EMX1: variants seen among roughly 807,000 people sequenced by gnomAD.
The protein encoded by EMX1 is empty spiracles homeobox 1.
In EMX1, 10 loss-of-function variants were observed where a neutral mutation model predicts 20.1. That is an observed-to-expected ratio of 0.50 (90% CI 0.31 to 0.84). The LOEUF is 0.84. EMX1 is among the 40% of genes least tolerant of loss of function. The pLI is 0.05. For missense variants in EMX1, 424 were observed against 431.9 expected, an observed-to-expected ratio of 0.98 and a Z score of 0.16; for synonymous variants, 250 against 200.4, an observed-to-expected ratio of 1.25 and a Z score of -2.09.
At chr2:72,920,196 A>G (rs1317374698) in intron 1 of EMX1, among the ~76,000 whole-genome samples, 1 of 152,122 alleles carries the variant, frequency 6.6e-6, no homozygotes, top group Non-Finnish European at 1.5e-5. Context: ...GGGCGCCTGG[A>G]GAGAAATCCA....
chr2:72,919,183 A>ACACACACG (rs1671056382), intron 1 of EMX1, among the ~76,000 whole-genome samples: 1 of 128,128 alleles, frequency 7.8e-6, no homozygotes, highest in African/African-American at 3.0e-5. Context: ...CTGGCCCTAC[A>ACACACACG]CACACACACA....
intron 1 of EMX1, among the ~76,000 whole-genome samples, chr2:72,923,179 C>A (rs1671131717): frequency 6.6e-6 from 1 of 152,128 alleles, no homozygotes; most frequent in Non-Finnish European, 1.5e-5. Context: ...TTCATCCAGT[C>A]CAGTGTTATC....
At chr2:72,928,331 T>C (rs1369300117) in intron 2 of EMX1, among the ~76,000 whole-genome samples, 1 of 152,200 alleles carries the variant, frequency 6.6e-6, no homozygotes, top group African/African-American at 2.4e-5. Context: ...TCAAGTTTAA[T>C]GAGTATGTGT....
chr2:72,929,212 G>A (rs1006115967), intron 2 of EMX1, among the ~76,000 whole-genome samples: 7 of 152,198 alleles, frequency 4.6e-5, no homozygotes, highest in South Asian at 2.1e-4. Flanking sequence ...TGCATCTCAT[G>A]TTCCAGGAGT....
At chr2:72,925,181 C>G (rs981379338) in intron 2 of EMX1, among the ~76,000 whole-genome samples, 1 of 152,156 alleles carries the variant, frequency 6.6e-6, no homozygotes, top group African/African-American at 2.4e-5. Flanking sequence ...AAATAGACCC[C>G]GGGTACTCAG....
At position 72,917,921 on chromosome 2, in the gene EMX1, G is replaced by A. The variant is rs563675886; in HGVS notation, c.69G>A (p.Arg23=). The part of the protein sequence containing the change: ...APGRGALPRA[R]LPRTAPAAAT... ...GACGCGGAGCGCTCCCCAGAGCCCG[G>A]CTGCCTCGCACAGCTCCCGCGGCTG... is the stretch of plus-strand genomic sequence containing the variant. The change falls in exon 1 of 3, where the codon CGG becomes CGA. Residue 23 remains arginine, a synonymous_variant. Transcript: ENST00000258106. The A allele has an allele frequency of 7.4e-6, 11 of 1,484,356 alleles. No individual in the cohort carries two copies. In the East Asian group the frequency reaches 2.7e-4, roughly 36 times the overall value. 91.9% of individuals were successfully genotyped at this position (1,484,356 alleles called of 1,614,324 possible).
rs745938584 is a variant in EMX1, at chr2:72,918,329, C to T, written c.477C>T (p.Tyr159=). 884 of 1,545,700 alleles carry T rather than the reference C, an allele frequency of 5.7e-4. 2 individuals are homozygous for T. Among genetic ancestry groups the T allele is most frequent in the Middle Eastern group, 8.5e-4 (5 of 5,900 alleles). Residue 159 remains tyrosine (Y), a synonymous_variant, in exon 1 of 3, where the codon TAC becomes TAT. Transcript: ENST00000258106. The part of the protein sequence containing the change: ...GAQHRDPLHF[Y]PWVLRNRFFG... ...AGCACCGGGACCCTCTCCATTTCTACCCCTGGGTCCTGCGGAACCGCTTCT... is the reference window on the plus strand; with the variant it reads ...AGCACCGGGACCCTCTCCATTTCTATCCCTGGGTCCTGCGGAACCGCTTCT...
intron 1 of EMX1, chr2:72,924,032 C>G (rs929106646): frequency 1.8e-5 from 10 of 567,826 alleles, no homozygotes; most frequent in Non-Finnish European, 3.2e-5. Context: ...CCTGCCCCAT[C>G]TCTTGGCTTA....
chr2:72,921,550 A>C (rs534242440), intron 1 of EMX1, among the ~76,000 whole-genome samples: 1 of 152,218 alleles, frequency 6.6e-6, no homozygotes, highest in East Asian at 1.9e-4. Context: ...GTAGCAATTG[A>C]TCTGTTTCTC....
At chr2:72,918,449 G>A (rs1671037386) in intron 1 of EMX1, 77 bp downstream of exon 1, 1 of 1,345,366 alleles carries the variant, frequency 7.4e-7, no homozygotes, top group Non-Finnish European at 9.5e-7. Context: ...GCTCGGGGGC[G>A]CGCGGGGCTG....
chr2:72,928,190 TC>T (rs1671234125), intron 2 of EMX1, among the ~76,000 whole-genome samples: 2 of 152,228 alleles, frequency 1.3e-5, no homozygotes. Flanking sequence ...GGGCTAGTTC[TC>T]CCTTCAGGTT....
chr2:72,921,538 A>T (rs1274256516), intron 1 of EMX1, among the ~76,000 whole-genome samples: 1 of 152,188 alleles, frequency 6.6e-6, no homozygotes, highest in African/African-American at 2.4e-5. Flanking sequence ...TTGCAGAAAC[A>T]TGTAGCAATT....
In EMX1 at chr2:72,924,498, T is replaced by TC; in HGVS notation, c.705+6dup. 6.4e-7 allele frequency: 1 copy of TC among 1,574,282 alleles called. No individual in the cohort carries two copies. The highest frequency in any genetic ancestry group is 8.6e-7 in the Non-Finnish European group (1 of 1,164,984). Reference sequence around the variant, plus strand: ...CTCAGCCTCTCCGAGACGCAGGTAATCACCCCCGGTCGCGGCCTGCCCTGC... The same window carrying TC: ...CTCAGCCTCTCCGAGACGCAGGTAATCCACCCCCGGTCGCGGCCTGCCCTGC... On this transcript the variant is annotated splice_donor_region_variant and intron_variant, in intron 2 of 2. Coordinates refer to ENST00000258106, the MANE Select transcript of EMX1 (RefSeq NM_004097.3).
intron 2 of EMX1, among the ~76,000 whole-genome samples, chr2:72,929,634 G>A (rs1045693281): frequency 6.6e-6 from 1 of 152,208 alleles, no homozygotes; most frequent in Non-Finnish European, 1.5e-5. Flanking sequence ...AAGTGTGCAG[G>A]GGCCTGGAGC....
chr2:72,923,904 G>A (rs547608497), intron 1 of EMX1: 16 of 286,576 alleles, frequency 5.6e-5, no homozygotes, highest in African/African-American at 2.4e-4. Context: ...TGGGGCTGGC[G>A]GCCAGGGCAG....
chr2:72,924,103 G>T (rs1282512338), intron 1 of EMX1: 2 of 644,926 alleles, frequency 3.1e-6, no homozygotes, highest in Non-Finnish European at 5.6e-6. Context: ...TCTCGAGTGC[G>T]GGGAGGTGTT....
chr2:72,917,986 T>C lies in EMX1; in HGVS notation c.134T>C (p.Ile45Thr). Residue 45 changes from isoleucine (I) to threonine (T), a missense_variant, in exon 1 of 3, where the codon ATA becomes ACA. Ile to Thr is a moderately conservative substitution (Grantham distance 89, BLOSUM62 -1). Coordinates refer to ENST00000258106, the MANE Select transcript of EMX1 (RefSeq NM_004097.3). The part of the protein sequence containing the change: ...FQPAAKRGFT[I>T]ESLVAKDGGT... ...CCCGCGGCCAAGCGCGGCTTTACCA[T>C]AGAGTCCTTGGTGGCCAAGGACGGC... is the stretch of plus-strand genomic sequence containing the variant. 2 of 1,483,812 alleles carry C rather than the reference T, an allele frequency of 1.3e-6. No individual in the cohort carries two copies. The highest frequency in any genetic ancestry group is 1.8e-6 in the Non-Finnish European group (2 of 1,124,812). 91.9% of individuals were successfully genotyped at this position (1,483,812 alleles called of 1,614,324 possible). A position where few individuals can be genotyped will look rare whatever the true frequency, so the allele number is the denominator to read the frequency against.
intron 2 of EMX1, among the ~76,000 whole-genome samples, chr2:72,925,215 G>C (rs1468115994): frequency 6.6e-6 from 1 of 152,252 alleles, no homozygotes; most frequent in Non-Finnish European, 1.5e-5. Flanking sequence ...TCACTGGAAA[G>C]GCTGTCGAAT....
intron 1 of EMX1, among the ~76,000 whole-genome samples, chr2:72,922,045 C>G (rs1460334851): frequency 2.6e-5 from 4 of 152,216 alleles, no homozygotes; most frequent in African/African-American, 9.6e-5. Context: ...ACACCTCTGC[C>G]TCCTATTCAT....
Sources: gnomAD v4.1 joint callset for allele counts (sites outside exome capture counted in the v4.1 genomes callset) on GRCh38, gnomAD v4.1.1 for gene constraint, MANE v1.5 for transcripts, NCBI Gene and HGNC (gene_info 2026-07-23, HGNC 2026-07-21) for gene names.